ABCA8: variants seen among roughly 807,000 people sequenced by gnomAD.
ABCA8 encodes the protein ABC-type organic anion transporter ABCA8.
ABCA8 carries 177 observed loss-of-function variants against 192.3 expected under a neutral mutation model. The ratio of observed to expected loss-of-function variants is 0.92; its 90% confidence interval spans 0.81 to 1.04. The LOEUF is 1.04. Among genes scored for constraint, ABCA8 ranks in the 50% least tolerant of loss-of-function variants. The probability of loss-of-function intolerance (pLI) is 0.00; values close to 1 mark genes in which losing one functional copy is unlikely to be tolerated. For synonymous variants in ABCA8, 642 were observed against 690.2 expected (o/e 0.93, Z 1.09); for missense variants, 1,915 against 1,904.8 (o/e 1.01, Z -0.10).
At chr17:68,881,338 G>A (rs1567823855) in intron 31 of ABCA8, 127 bp from the exon 32 acceptor site, 1 of 684,528 alleles carries the variant, frequency 1.5e-6, no homozygotes, top group South Asian at 1.9e-5. Flanking sequence ...CAACCACCCT[G>A]AGAAGTTGTT....
At chr17:68,896,004 G>T (rs910119879) in intron 21 of ABCA8, among the ~76,000 whole-genome samples, 1 of 152,120 alleles carries the variant, frequency 6.6e-6, no homozygotes, top group Non-Finnish European at 1.5e-5. Flanking sequence ...ACAAATCAGG[G>T]GTTCCACACC....
chr17:68,875,849 T>A, intron 35 of ABCA8, 116 bp from the exon 36 acceptor site: 1 of 1,216,090 alleles, frequency 8.2e-7, no homozygotes, highest in Non-Finnish European at 1.1e-6. Flanking sequence ...AGAGATTAAG[T>A]AAAAGAGGGT....
At chr17:68,907,906 CAT>C (rs2067124403) in intron 17 of ABCA8, 27 bp from the exon 18 acceptor site, 6 of 1,497,994 alleles carry the variant, frequency 4.0e-6, no homozygotes, top group East Asian at 2.4e-5. Context: ...AAAAAAAAGA[CAT>C]ATGTTACTCG....
chr17:68,868,684 T>C (rs936028850), intron 38 of ABCA8, among the ~76,000 whole-genome samples: 6 of 152,088 alleles, frequency 3.9e-5, no homozygotes, highest in African/African-American at 1.4e-4. Context: ...GGCAGACATA[T>C]TTTGAAAAGG....
chr17:68,886,008 T>C (rs890884746), intron 26 of ABCA8, among the ~76,000 whole-genome samples: 1 of 152,112 alleles, frequency 6.6e-6, no homozygotes, highest in African/African-American at 2.4e-5. Context: ...AATAGAAGCA[T>C]TTAACAACAT....
At chr17:68,875,526 G>A (rs2066178833) in intron 36 of ABCA8, 88 bp downstream of exon 36, 1 of 1,588,692 alleles carries the variant, frequency 6.3e-7, no homozygotes, top group African/African-American at 1.3e-5. Flanking sequence ...AGTCATTTCA[G>A]CTGTTTTCAG....
chr17:68,922,433 G>A (rs2067570207), intron 11 of ABCA8, 133 bp from the exon 12 acceptor site: 16 of 598,136 alleles, frequency 2.7e-5, no homozygotes, highest in Non-Finnish European at 3.9e-5. Flanking sequence ...CACAGTCATA[G>A]CTGTGTGACA....
At chr17:68,892,902 T>C (rs2066649530) in intron 23 of ABCA8, among the ~76,000 whole-genome samples, 1 of 152,100 alleles carries the variant, frequency 6.6e-6, no homozygotes, top group Admixed American at 6.5e-5. Flanking sequence ...CCCAACACTT[T>C]GGGAGGCCAA....
intron 8 of ABCA8, 24 bp downstream of exon 8, chr17:68,929,537 A>G: frequency 6.2e-7 from 1 of 1,603,974 alleles, no homozygotes; most frequent in Non-Finnish European, 8.5e-7. Flanking sequence ...GGTGGATGGA[A>G]AGATATTTAA....
At chr17:68,881,247 T>C in intron 31 of ABCA8, 36 bp from the exon 32 acceptor site, 1 of 1,382,824 alleles carries the variant, frequency 7.2e-7, no homozygotes, top group Non-Finnish European at 1.0e-6. Flanking sequence ...TAATCTATTT[T>C]AATGGTAACA....
chr17:68,894,885 C>A lies in ABCA8; in HGVS notation c.2893G>T (p.Glu965Ter), dbSNP rs908479344. 6.2e-7 allele frequency: 1 copy of A among 1,611,608 alleles called. No individual in the cohort carries two copies. Among genetic ancestry groups the A allele is most frequent in the South Asian group, 1.1e-5 (1 of 90,474 alleles). ...YNGAITVCCN[E>*]KNYSFSLACN... is the part of the protein sequence containing the mutation. ...ATTATTAGAGACCTGCATACCTTTTCATTACAACACACTGTGATGGCTCCA... is the reference window on the plus strand; with the variant it reads ...ATTATTAGAGACCTGCATACCTTTTAATTACAACACACTGTGATGGCTCCA... The change falls in exon 22 of 40, where the codon GAA becomes TAA. Residue 965 changes from glutamate (E) to a stop codon, truncating the protein, a stop_gained. Coordinates refer to ENST00000586539, the MANE Select transcript of ABCA8 (RefSeq NM_001288985.2). LOFTEE classifies it high-confidence loss of function.
chr17:68,878,656 G>C (rs1030131105), intron 32 of ABCA8: 2 of 152,226 alleles, frequency 1.3e-5, no homozygotes, highest in African/African-American at 4.8e-5. Context: ...TTAATGAGCA[G>C]TTATCTCCTT....
Position 68,917,342 on chromosome 17 carries a change from C to A in ABCA8, c.2138+19G>T, listed in dbSNP as rs770859222. ...AGCCTTACACTAGATCTACTCCCAG[C>A]CTTCTTAAGTGACCTTACCTTAAGT... On this transcript the variant is annotated intron_variant, in intron 17 of 39. Transcript: ENST00000586539. The A allele has an allele frequency of 1.3e-6, 2 of 1,529,978 alleles. No individual in the cohort carries two copies. Among genetic ancestry groups the A allele is most frequent in the Admixed American group, 1.7e-5 (1 of 57,208 alleles). The allele number at this position is 1,529,978 out of a possible 1,614,324, so 94.8% of individuals were successfully genotyped here.
chr17:68,890,313 T>C (rs1281030820), intron 24 of ABCA8, among the ~76,000 whole-genome samples: 1 of 152,196 alleles, frequency 6.6e-6, no homozygotes, highest in Admixed American at 6.5e-5. Flanking sequence ...AACCATCTTT[T>C]CATGGGAGTA....
In ABCA8 at chr17:68,933,271, G is replaced by C. The variant is rs759365889; in HGVS notation, c.467C>G (p.Ala156Gly). Reference protein sequence around the residue: ...PAKKEHKDHTAHCYETNEDVY... With the variant: ...PAKKEHKDHTGHCYETNEDVY... ...ATCTTCATTTGTTTCATAACAATGA[G>C]CTTTGTGAAAAAACAAATCATAACT... Residue 156 changes from alanine to glycine, a missense_variant and splice_region_variant, in exon 6 of 40, where the codon GCT becomes GGT. Physicochemically the swap from Ala to Gly is moderately conservative, Grantham distance 60 (BLOSUM62 0). Transcript: ENST00000586539. 7 of 1,590,402 alleles carry C rather than the reference G, an allele frequency of 4.4e-6. No individual in the cohort carries two copies. The highest frequency in any genetic ancestry group is 6.0e-6 in the Non-Finnish European group (7 of 1,162,492).
chr17:68,937,018 G>C lies in ABCA8; in HGVS notation c.399C>G (p.Tyr133Ter). 1 of 1,610,340 alleles carries C rather than the reference G, an allele frequency of 6.2e-7. No individual in the cohort carries two copies. Among genetic ancestry groups the C allele is most frequent in the Non-Finnish European group, 8.5e-7 (1 of 1,178,330 alleles). The change falls in exon 5 of 40, where the codon TAC becomes TAG. Residue 133 changes from tyrosine to a stop codon, truncating the protein, a stop_gained. Coordinates refer to ENST00000586539, the MANE Select transcript of ABCA8 (RefSeq NM_001288985.2). LOFTEE classifies it high-confidence loss of function. Reference protein sequence around the residue: ...EIVRVTFTNTYSYHLKFLLGH... With the variant: ...EIVRVTFTNT ...CTAGCAAGAACTTCAAATGATATGA[G>C]TATGTATTAGTAAAGGTGACTCTTA...
At chr17:68,873,914 G>T (rs560977456) in intron 37 of ABCA8, among the ~76,000 whole-genome samples, 3 of 152,216 alleles carry the variant, frequency 2.0e-5, no homozygotes, top group South Asian at 4.2e-4. Context: ...CAATATGTTG[G>T]TCTTTACACT....
intron 37 of ABCA8, among the ~76,000 whole-genome samples, chr17:68,872,611 T>TA (rs929903659): frequency 3.4e-5 from 5 of 148,698 alleles, no homozygotes; most frequent in Non-Finnish European, 4.5e-5. Flanking sequence ...ATAAAAAAAA[T>TA]AAAAAAAAAG....
At chr17:68,916,434 C>T (rs2067365670) in intron 17 of ABCA8, among the ~76,000 whole-genome samples, 1 of 151,820 alleles carries the variant, frequency 6.6e-6, no homozygotes, top group African/African-American at 2.4e-5. Context: ...TGATGAATAC[C>T]CCATTTATCC....
Sources: gnomAD v4.1 joint callset for allele counts (sites outside exome capture counted in the v4.1 genomes callset) on GRCh38, gnomAD v4.1.1 for gene constraint, MANE v1.5 for transcripts, NCBI Gene and HGNC (gene_info 2026-07-23, HGNC 2026-07-21) for gene names.